The following AKAP12 variants were observed in gnomAD, a reference collection of about 807,000 sequenced individuals.
AKAP12 encodes A-kinase anchor protein 12.
Under a neutral mutation model 79.9 loss-of-function variants are expected in AKAP12, and 32 were observed. The ratio of observed to expected loss-of-function variants is 0.40; its 90% CI spans 0.30 to 0.54. AKAP12 has a LOEUF of 0.54. AKAP12 is among the 20% of genes least tolerant of loss of function. The pLI is 0.48. For synonymous variants in AKAP12, 808 were observed against 857.0 expected, an observed-to-expected ratio of 0.94 and a Z score of 1.00; for missense variants, 2,074 against 2,177.0, an observed-to-expected ratio of 0.95 and a Z score of 0.94.
In AKAP12 at chr6:151,352,007, T is replaced by A. The variant is rs142864839; in HGVS notation, c.3616T>A (p.Ser1206Thr). The A allele has an allele frequency of 6.2e-7, 1 of 1,613,844 alleles. No homozygotes were observed. The highest frequency in any genetic ancestry group is 1.3e-5 in the African/African-American group (1 of 74,840). ...GAATGAGGTCGCATCTGGTACCCAG[T>A]CAGGGGGCACAGAAGCAGAGGCAGT... The part of the protein sequence containing the change: ...EENEVASGTQ[S>T]GGTEAEAVPA... Residue 1206 changes from serine (S) to threonine (T), a missense_variant, in exon 4 of 5, where the codon TCA (serine) becomes ACA (threonine). By Grantham distance (58) the Ser-to-Thr change is moderately conservative. Around this residue, in one of 3 missense-constraint regions of AKAP12, gnomAD observed 32 missense variants for 60.4 expected, o/e 0.53. Coordinates refer to ENST00000402676, the MANE Select transcript of AKAP12 (RefSeq NM_005100.4).
chr6:151,287,779 G>A (rs1194992862), intron 2 of AKAP12, among the ~76,000 whole-genome samples: 4 of 152,096 alleles, frequency 2.6e-5, no homozygotes, highest in Non-Finnish European at 5.9e-5. Flanking sequence ...GTTTATTGCA[G>A]CACTGTTCAC....
At chr6:151,343,892 A>C in intron 3 of AKAP12, 1 of 438,932 alleles carries the variant, frequency 2.3e-6, no homozygotes, top group African/African-American at 2.2e-5. Flanking sequence ...ATAGGAACAA[A>C]TAGAAACTTA....
chr6:151,323,064 C>T (rs978964754), intron 3 of AKAP12, among the ~76,000 whole-genome samples: 10 of 152,184 alleles, frequency 6.6e-5, no homozygotes, highest in Non-Finnish European at 1.3e-4. Flanking sequence ...CATCTTTACT[C>T]CTGCTTTTAT....
rs1389287139 is a variant in AKAP12 at position 151,321,524 on chromosome 6, A to G, written c.319+15621A>G. ...GGCATGTTTCAGTACTTTATTTCTT[A>G]TTACTTTTTATTACTAACCCATTTC... On this transcript the variant is annotated intron_variant, in intron 3 of 4. Transcript: ENST00000402676. Among the ~76,000 whole-genome samples, 4 of 151,382 alleles carry G rather than the reference A, an allele frequency of 2.6e-5. No individual in the cohort carries two copies. The South Asian group carries it at 8.3e-4, about 31-fold the overall frequency.
intron 2 of AKAP12, among the ~76,000 whole-genome samples, chr6:151,286,969 C>G (rs987667833): frequency 6.6e-6 from 1 of 151,258 alleles, no homozygotes; most frequent in Non-Finnish European, 1.5e-5. Context: ...GACGGAGTCT[C>G]GCTCTGTTGC....
At chr6:151,251,514 CAA>C (rs1797173956) in intron 2 of AKAP12, among the ~76,000 whole-genome samples, 2 of 152,212 alleles carry the variant, frequency 1.3e-5, no homozygotes, top group Admixed American at 1.3e-4. Flanking sequence ...AAGTCACAAA[CAA>C]TGAGATTTTA....
chr6:151,252,206 T>C (rs1797192262), intron 2 of AKAP12, among the ~76,000 whole-genome samples: 1 of 151,620 alleles, frequency 6.6e-6, no homozygotes, highest in Admixed American at 6.6e-5. Flanking sequence ...TTTCTTTTTT[T>C]TTTTTTTTCT....
intron 2 of AKAP12, among the ~76,000 whole-genome samples, chr6:151,274,734 C>T (rs112185014): frequency 2.0e-4 from 30 of 152,272 alleles, no homozygotes; most frequent in East Asian, 1.7e-3. Context: ...ATTTTATAGG[C>T]AGTTTCTAAC....
chr6:151,279,479 G>C (rs762984459), intron 2 of AKAP12, among the ~76,000 whole-genome samples: 1 of 151,920 alleles, frequency 6.6e-6, no homozygotes, highest in Non-Finnish European at 1.5e-5. Flanking sequence ...AACTCTCCTT[G>C]ACTTAGGAAA....
intron 3 of AKAP12, among the ~76,000 whole-genome samples, chr6:151,321,215 G>T (rs1777376541): frequency 2.0e-5 from 3 of 152,070 alleles, no homozygotes; most frequent in Admixed American, 6.6e-5. Flanking sequence ...TTGAACTCCT[G>T]ACCTCAAGTG....
At chr6:151,312,334 G>A (rs377526548) in intron 3 of AKAP12, among the ~76,000 whole-genome samples, 1 of 151,844 alleles carries the variant, frequency 6.6e-6, no homozygotes, top group Non-Finnish European at 1.5e-5. Context: ...TTAGCTGGAC[G>A]TGGTGGTGCA....
chr6:151,331,940 C>T (rs1777682327), intron 3 of AKAP12, among the ~76,000 whole-genome samples: 1 of 150,940 alleles, frequency 6.6e-6, no homozygotes, highest in African/African-American at 2.4e-5. Context: ...TCATAGCTCA[C>T]TGCAGCCTGG....
intron 3 of AKAP12, among the ~76,000 whole-genome samples, chr6:151,326,746 T>C (rs1185774844): frequency 2.0e-5 from 3 of 152,168 alleles, no homozygotes; most frequent in African/African-American, 4.8e-5. Context: ...AATTTAACTT[T>C]ATAGGAACAG....
At chr6:151,296,339 C>T (rs761962120) in intron 2 of AKAP12, among the ~76,000 whole-genome samples, 1 of 152,170 alleles carries the variant, frequency 6.6e-6, no homozygotes, top group Non-Finnish European at 1.5e-5. Context: ...AGTTCATTTT[C>T]TCTCTTTTAA....
chr6:151,291,801 GT>G (rs1226312279), intron 2 of AKAP12, among the ~76,000 whole-genome samples: 4 of 152,162 alleles, frequency 2.6e-5, no homozygotes, highest in African/African-American at 9.7e-5. Context: ...ACTTTCTTGA[GT>G]TTTTTTCACA....
intron 3 of AKAP12, among the ~76,000 whole-genome samples, chr6:151,329,801 C>T (rs1777622098): frequency 1.3e-5 from 2 of 152,144 alleles, no homozygotes; most frequent in African/African-American, 4.8e-5. Context: ...TCATGTATTC[C>T]TCACAATAAT....
At chr6:151,249,661 A>G (rs989317929) in intron 2 of AKAP12, among the ~76,000 whole-genome samples, 1 of 152,224 alleles carries the variant, frequency 6.6e-6, no homozygotes, top group African/African-American at 2.4e-5. Flanking sequence ...TGGGTTACCT[A>G]TTGCTCCAGT....
intron 3 of AKAP12, among the ~76,000 whole-genome samples, chr6:151,306,397 T>C (rs2114757436): frequency 6.6e-6 from 1 of 152,320 alleles, no homozygotes; most frequent in South Asian, 2.1e-4. Flanking sequence ...TATTGGGATT[T>C]GATTTTTACC....
intron 2 of AKAP12, among the ~76,000 whole-genome samples, chr6:151,270,186 A>G (rs1776153322): frequency 6.6e-6 from 1 of 152,128 alleles, no homozygotes; most frequent in Non-Finnish European, 1.5e-5. Flanking sequence ...CCTCCCGAGT[A>G]GCTGGGATTA....
Sources: allele counts gnomAD v4.1 joint callset (sites outside exome capture counted in the v4.1 genomes callset), GRCh38; gene constraint gnomAD v4.1.1; regional missense constraint gnomAD v4.1.1; transcripts MANE v1.5; gene names NCBI Gene and HGNC (gene_info 2026-07-23, HGNC 2026-07-21).